PTPRK: variants seen among roughly 807,000 people sequenced by gnomAD.
The protein encoded by PTPRK is receptor-type tyrosine-protein phosphatase kappa.
A neutral mutation model predicts 178.0 loss-of-function variants in PTPRK; 75 were observed. That is an observed-to-expected ratio of 0.42 (90% CI 0.35 to 0.51). The LOEUF (loss-of-function observed/expected upper bound fraction) is 0.51, where lower values mean the gene tolerates loss of function less well. Ranked by LOEUF, PTPRK falls within the 20% of genes least tolerant of loss-of-function variation. PTPRK has a pLI of 0.02. For missense variants in PTPRK, 1,441 were observed against 1,797.8 expected (o/e 0.80, Z 3.59); for synonymous variants, 637 against 620.6 (o/e 1.03, Z -0.39).
chr6:128,492,032 T>G (rs770811937), intron 1 of PTPRK, among the ~76,000 whole-genome samples: 5 of 152,178 alleles, frequency 3.3e-5, no homozygotes, highest in African/African-American at 4.8e-5. Flanking sequence ...CCTAAAACTC[T>G]TCCATATCAT....
intron 8 of PTPRK, among the ~76,000 whole-genome samples, chr6:128,084,359 T>C (rs1785372893): frequency 6.6e-6 from 1 of 152,202 alleles, no homozygotes; most frequent in Admixed American, 6.5e-5. Flanking sequence ...TATAGCTATA[T>C]GTATTAAATG....
intron 7 of PTPRK, among the ~76,000 whole-genome samples, chr6:128,148,384 T>A (rs536943841): frequency 6.6e-6 from 1 of 152,174 alleles, no homozygotes; most frequent in Non-Finnish European, 1.5e-5. Flanking sequence ...TGTAAAATGC[T>A]ATGCAAAGCA....
intron 7 of PTPRK, among the ~76,000 whole-genome samples, chr6:128,161,859 A>G (rs565937108): frequency 1.3e-5 from 2 of 151,748 alleles, no homozygotes; most frequent in Admixed American, 1.3e-4. Context: ...AAAAATTATC[A>G]TTTATACTAT....
Position 128,322,134 on chromosome 6 carries a change from G to C in PTPRK, c.400C>G (p.Leu134Val). ...NILVRVNKGP[L>V]ANPIWNVTGF... Reference sequence around the variant, plus strand: ...GTCACATTCCAAATTGGATTGGCAAGAGGTCCTTTATTCACCCTAACTAAT... The same window carrying C: ...GTCACATTCCAAATTGGATTGGCAACAGGTCCTTTATTCACCCTAACTAAT... Residue 134 changes from leucine to valine, a missense_variant, in exon 3 of 30, where the codon CTT (leucine) becomes GTT (valine). Coordinates refer to ENST00000368226, the MANE Select transcript of PTPRK (RefSeq NM_002844.4). 2 of 1,613,932 alleles carry C rather than the reference G, an allele frequency of 1.2e-6. No individual in the cohort carries two copies. The highest frequency in any genetic ancestry group is 2.7e-5 in the African/African-American group (2 of 75,006).
chr6:128,500,202 G>A (rs1855332188), intron 1 of PTPRK, among the ~76,000 whole-genome samples: 1 of 152,200 alleles, frequency 6.6e-6, no homozygotes. Flanking sequence ...CAGTGAAGGA[G>A]TGGCTAAATA....
chr6:128,136,434 G>C (rs1341459094), intron 7 of PTPRK, among the ~76,000 whole-genome samples: 1 of 152,164 alleles, frequency 6.6e-6, no homozygotes, highest in African/African-American at 2.4e-5. Flanking sequence ...ATGTGTAAGG[G>C]AAGATGCATA....
At chr6:128,453,872 A>G (rs1017876887) in intron 1 of PTPRK, among the ~76,000 whole-genome samples, 1 of 152,234 alleles carries the variant, frequency 6.6e-6, no homozygotes, top group African/African-American at 2.4e-5. Flanking sequence ...TAAGGAAGAA[A>G]ATTCTTCCAC....
intron 7 of PTPRK, among the ~76,000 whole-genome samples, chr6:128,122,768 G>T (rs985052699): frequency 6.6e-6 from 1 of 152,124 alleles, no homozygotes; most frequent in Non-Finnish European, 1.5e-5. Context: ...GCTTATCAGT[G>T]AATACCATAC....
intron 13 of PTPRK, among the ~76,000 whole-genome samples, chr6:128,024,342 T>A (rs1773964315): frequency 6.6e-6 from 1 of 152,238 alleles, no homozygotes; most frequent in South Asian, 2.1e-4. Context: ...TAAGATTATG[T>A]TGCTATGGCA....
chr6:128,294,579 C>T (rs531188337), intron 3 of PTPRK, among the ~76,000 whole-genome samples: 22 of 152,098 alleles, frequency 1.4e-4, no homozygotes, highest in African/African-American at 5.3e-4. Flanking sequence ...AGTTAATTTA[C>T]CACATTACAG....
At chr6:128,183,457 A>G (rs1802258452) in intron 7 of PTPRK, among the ~76,000 whole-genome samples, 1 of 152,208 alleles carries the variant, frequency 6.6e-6, no homozygotes, top group Admixed American at 6.5e-5. Context: ...TCTCAGGCTA[A>G]TAGTTGAGAA....
intron 1 of PTPRK, among the ~76,000 whole-genome samples, chr6:128,457,036 T>C (rs796390951): frequency 2.6e-5 from 4 of 152,148 alleles, no homozygotes; most frequent in Non-Finnish European, 5.9e-5. Flanking sequence ...GACATCAATT[T>C]GTTGCCATGG....
rs1775542162 is a variant in PTPRK, at chr6:127,983,106, T to C, written c.3388-126A>G. On this transcript the variant is annotated intron_variant, in intron 23 of 29. Transcript: ENST00000368226. ...GAATTAAAACACCAATATTTTTCTA[T>C]ATGACTCAGCTAATATTGATTACAC... The C allele has an allele frequency of 3.1e-6, 4 of 1,292,590 alleles. No homozygotes were observed. In the Admixed American group the frequency reaches 8.1e-5, roughly 26 times the overall value. 80.1% of individuals were successfully genotyped at this position (1,292,590 alleles called of 1,614,324 possible).
In PTPRK at chr6:128,009,367, T is replaced by C. The variant is rs113740542; in HGVS notation, c.2195-99A>G. 4.4e-3 allele frequency: 4,734 copies of C among 1,078,328 alleles called. 149 individuals carry two copies. The African/African-American group carries it at 0.068, about 16-fold the overall frequency. The allele number at this position is 1,078,328 out of a possible 1,614,324, so 66.8% of individuals were successfully genotyped here. A position where few individuals can be genotyped will look rare whatever the true frequency, so the allele number is the denominator to read the frequency against. On this transcript the variant is annotated intron_variant, in intron 13 of 29. Coordinates refer to ENST00000368226, the MANE Select transcript of PTPRK (RefSeq NM_002844.4). ...ACCTCCAAGAAACACAACTTGTTTA[T>C]TGTATATTAATAAAAATAATCCCAC...
chr6:128,437,748 A>G (rs1845777413), intron 1 of PTPRK, among the ~76,000 whole-genome samples: 1 of 152,174 alleles, frequency 6.6e-6, no homozygotes. Context: ...CAGACCCAAA[A>G]TAGCAGTATA....
At chr6:128,240,301 C>T (rs148157398) in intron 4 of PTPRK, 151 bp from the exon 5 acceptor site, 146 of 619,126 alleles carry the variant, frequency 2.4e-4, no homozygotes, top group African/African-American at 1.3e-3. Flanking sequence ...TTTTTTGTGC[C>T]GGAAGACACC....
chr6:128,481,509 T>C (rs1852074088), intron 1 of PTPRK, among the ~76,000 whole-genome samples: 1 of 152,106 alleles, frequency 6.6e-6, no homozygotes, highest in African/African-American at 2.4e-5. Flanking sequence ...ACTAATTCAT[T>C]ATTTTCCTAC....
chr6:128,149,249 A>C (rs1292333463), intron 7 of PTPRK, among the ~76,000 whole-genome samples: 6 of 152,000 alleles, frequency 3.9e-5, no homozygotes, highest in Non-Finnish European at 8.8e-5. Context: ...ACATGTATAC[A>C]TATGTAACAA....
At chr6:128,475,530 CAT>C (rs1851266578) in intron 1 of PTPRK, among the ~76,000 whole-genome samples, 1 of 151,988 alleles carries the variant, frequency 6.6e-6, no homozygotes, top group African/African-American at 2.4e-5. Context: ...ATGCAGAAGA[CAT>C]AGGTATGAGA....
Sources: gnomAD v4.1 joint callset for allele counts (sites outside exome capture counted in the v4.1 genomes callset) on GRCh38, gnomAD v4.1.1 for gene constraint, MANE v1.5 for transcripts, NCBI Gene and HGNC (gene_info 2026-07-23, HGNC 2026-07-21) for gene names.